The following PTPRD variants were observed in gnomAD, a reference collection of about 807,000 sequenced individuals.
PTPRD encodes receptor-type tyrosine-protein phosphatase delta.
A neutral mutation model predicts 214.5 loss-of-function variants in PTPRD; 34 were observed. The observed-to-expected ratio is 0.16, with a 90% CI of 0.12 to 0.21. The LOEUF is 0.21. PTPRD is among the 10% of genes least tolerant of loss of function. The pLI is 1.00. For missense variants in PTPRD, 2,545 were observed against 2,398.7 expected (o/e 1.06, Z -1.27); for synonymous variants, 1,128 against 845.7 (o/e 1.33, Z -5.79).
rs750113637 is a variant in PTPRD at position 8,633,487 on chromosome 9, GTGT to G, written c.211-32_211-30del. 3.7e-6 allele frequency: 6 copies of G among 1,605,832 alleles called. No individual in the cohort carries two copies. The Admixed American group carries it at 8.5e-5, about 23-fold the overall frequency. On this transcript the variant is annotated intron_variant, in intron 13 of 45. Coordinates refer to ENST00000381196, the MANE Select transcript of PTPRD (RefSeq NM_002839.4). The stretch of plus-strand genomic sequence containing the variant: ...TTAGAGGAAACAATAGCTGTCACAG[GTGT>G]TGTTACAATTGTCTACCTCTCAGCT...
chr9:9,876,349 T>C (rs758175425), intron 5 of PTPRD, among the ~76,000 whole-genome samples: 8 of 152,204 alleles, frequency 5.3e-5, no homozygotes, highest in Non-Finnish European at 7.4e-5. Flanking sequence ...TGAAAGACTC[T>C]TTTTAAAGTA....
intron 5 of PTPRD, among the ~76,000 whole-genome samples, chr9:9,879,132 C>T (rs1163588040): frequency 2.0e-5 from 3 of 152,330 alleles, no homozygotes; most frequent in East Asian, 3.9e-4. Context: ...GCCTTAGGCT[C>T]CATTCTCCAT....
At chr9:9,279,978 T>C (rs1947062109) in intron 9 of PTPRD, among the ~76,000 whole-genome samples, 1 of 151,348 alleles carries the variant, frequency 6.6e-6, no homozygotes, top group South Asian at 2.1e-4. Context: ...AAAAATTTAA[T>C]TGACTGTTTC....
At chr9:9,483,656 A>G (rs2095508445) in intron 8 of PTPRD, among the ~76,000 whole-genome samples, 1 of 152,064 alleles carries the variant, frequency 6.6e-6, no homozygotes. Flanking sequence ...ACTAGGTAGC[A>G]CTTGCAGTGA....
intron 10 of PTPRD, among the ~76,000 whole-genome samples, chr9:9,025,829 G>GA (rs1184479783): frequency 6.6e-6 from 1 of 151,866 alleles, no homozygotes; most frequent in Non-Finnish European, 1.5e-5. Flanking sequence ...TGCGTGATTA[G>GA]AAAAAAATGT....
At chr9:8,927,516 T>C (rs1283855590) in intron 11 of PTPRD, among the ~76,000 whole-genome samples, 2 of 152,198 alleles carry the variant, frequency 1.3e-5, no homozygotes, top group Non-Finnish European at 2.9e-5. Flanking sequence ...GCTTCATCCA[T>C]GTTCCTGCAA....
intron 10 of PTPRD, among the ~76,000 whole-genome samples, chr9:9,136,500 T>C (rs2099851103): frequency 2.0e-5 from 3 of 152,100 alleles, no homozygotes; most frequent in African/African-American, 4.8e-5. Context: ...ACACCTCAAA[T>C]ATAATCACTA....
chr9:9,202,630 C>T (rs2099942556), intron 9 of PTPRD, among the ~76,000 whole-genome samples: 1 of 152,086 alleles, frequency 6.6e-6, no homozygotes, highest in Admixed American at 6.5e-5. Flanking sequence ...TTAGTTGTTG[C>T]CTTGAAACTT....
At position 8,499,794 on chromosome 9, in the gene PTPRD, T is replaced by C. The variant is rs2136836329; in HGVS notation, c.2175A>G (p.Ser725=). The change falls in exon 25 of 46, where the codon TCA becomes TCG. Residue 725 remains serine (S), a synonymous_variant. Transcript: ENST00000381196. ...PRKVEVEAVN[S]TSVKVSWRSP... ...AGCGCCATGAGACTTTAACAGATGT[T>C]GAGTTGACAGCCTCTACCTCGACTT... The C allele has an allele frequency of 6.2e-7, 1 of 1,613,728 alleles. No individual in the cohort carries two copies. Among genetic ancestry groups the C allele is most frequent in the Non-Finnish European group, 8.5e-7 (1 of 1,179,808 alleles).
Position 10,603,250 on chromosome 9 carries a change from T to C in PTPRD, c.-600+9148A>G, listed in dbSNP as rs772573545. Among the ~76,000 whole-genome samples the C allele has an allele frequency of 4.6e-5, 7 of 151,808 alleles. 1 individual carries two copies. In the South Asian group the frequency reaches 1.5e-3, roughly 31 times the overall value. ...AAGAAAAAAATACACTCAGAAGCAT[T>C]TGTGCCACGCTTAACTCTCAACTTT... On this transcript the variant is annotated intron_variant, in intron 2 of 45. Coordinates refer to ENST00000381196, the MANE Select transcript of PTPRD (RefSeq NM_002839.4).
chr9:9,882,115 T>A (rs1262281028), intron 5 of PTPRD, among the ~76,000 whole-genome samples: 1 of 152,170 alleles, frequency 6.6e-6, no homozygotes. Context: ...TAATATTACA[T>A]ACTCACACAA....
At chr9:10,119,313 A>T (rs1435318980) in intron 3 of PTPRD, among the ~76,000 whole-genome samples, 1 of 152,032 alleles carries the variant, frequency 6.6e-6, no homozygotes, top group Non-Finnish European at 1.5e-5. Flanking sequence ...ATCCAAAGAC[A>T]GATTCTAAAG....
At chr9:9,288,255 A>T (rs1950111184) in intron 9 of PTPRD, among the ~76,000 whole-genome samples, 1 of 151,860 alleles carries the variant, frequency 6.6e-6, no homozygotes, top group African/African-American at 2.4e-5. Context: ...ACACACTTGA[A>T]CATATTTATT....
At chr9:9,052,151 GC>G (rs1164245612) in intron 10 of PTPRD, among the ~76,000 whole-genome samples, 1 of 152,130 alleles carries the variant, frequency 6.6e-6, no homozygotes, top group Admixed American at 6.6e-5. Context: ...GCACCTTCTC[GC>G]TGTGCTCCCA....
intron 11 of PTPRD, among the ~76,000 whole-genome samples, chr9:8,925,864 T>TTTA (rs1004382204): frequency 6.0e-5 from 9 of 150,676 alleles, no homozygotes; most frequent in African/African-American, 2.4e-5. Flanking sequence ...CAATATTTTT[T>TTTA]TTTTTTTTTT....
chr9:10,056,472 T>G (rs961905326), intron 3 of PTPRD, among the ~76,000 whole-genome samples: 1 of 151,890 alleles, frequency 6.6e-6, no homozygotes, highest in African/African-American at 2.4e-5. Flanking sequence ...AATAAAGAAG[T>G]CAGTCTTTTT....
intron 5 of PTPRD, among the ~76,000 whole-genome samples, chr9:9,929,730 G>C (rs2085701179): frequency 6.6e-6 from 1 of 152,182 alleles, no homozygotes. Flanking sequence ...AAGAGACAGG[G>C]CCTGGATAAG....
At chr9:9,398,481 T>G (rs1046836308) in intron 8 of PTPRD, among the ~76,000 whole-genome samples, 1 of 152,000 alleles carries the variant, frequency 6.6e-6, no homozygotes, top group African/African-American at 2.4e-5. Context: ...GGTGCACATT[T>G]TCCATATTTT....
chr9:9,848,209 T>C (rs760315123), intron 5 of PTPRD, among the ~76,000 whole-genome samples: 2 of 152,158 alleles, frequency 1.3e-5, no homozygotes, highest in African/African-American at 2.4e-5. Flanking sequence ...ATTGTAATTT[T>C]CAGAGGCACT....
Sources: gnomAD v4.1 joint callset for allele counts (sites outside exome capture counted in the v4.1 genomes callset) on GRCh38, gnomAD v4.1.1 for gene constraint, MANE v1.5 for transcripts, NCBI Gene and HGNC (gene_info 2026-07-23, HGNC 2026-07-21) for gene names.